USH2A: variants seen among roughly 807,000 people sequenced by gnomAD.
USH2A encodes usherin.
Under a neutral mutation model 538.9 loss-of-function variants are expected in USH2A, and 443 were observed. The ratio of observed to expected loss-of-function variants is 0.82; its 90% confidence interval spans 0.76 to 0.89. USH2A has a LOEUF of 0.89. Among genes scored for constraint, USH2A ranks in the 40% least tolerant of loss-of-function variants. USH2A has a pLI of 0.00. For missense variants in USH2A, 6,633 were observed against 6,324.8 expected, an observed-to-expected ratio of 1.05 and a Z score of -1.65; for synonymous variants, 2,413 against 2,273.5, an observed-to-expected ratio of 1.06 and a Z score of -1.75.
rs1217962737 is a variant in USH2A, at chr1:216,418,717, T to C, written c.486-38A>G. 1.9e-6 allele frequency: 3 copies of C among 1,610,034 alleles called. No individual in the cohort carries two copies. In the African/African-American group the frequency reaches 4.0e-5, roughly 22 times the overall value. ...CCGGAAAAGAGAGAAAAGGTCAGCATCCAACCAAAAAGACATGCTAAGGTA... is the reference window on the plus strand; with the variant it reads ...CCGGAAAAGAGAGAAAAGGTCAGCACCCAACCAAAAAGACATGCTAAGGTA... On this transcript the variant is annotated intron_variant, in intron 2 of 71. Coordinates refer to ENST00000307340, the MANE Select transcript of USH2A (RefSeq NM_206933.4).
intron 46 of USH2A, among the ~76,000 whole-genome samples, chr1:215,838,304 A>T (rs1205592801): frequency 6.6e-6 from 1 of 152,174 alleles, no homozygotes; most frequent in Non-Finnish European, 1.5e-5. Context: ...TGGGATCAAG[A>T]TAATTGATTT....
At chr1:216,068,466 C>T (rs1357388716) in intron 30 of USH2A, among the ~76,000 whole-genome samples, 2 of 152,126 alleles carry the variant, frequency 1.3e-5, no homozygotes, top group Non-Finnish European at 2.9e-5. Flanking sequence ...AGCCACACTG[C>T]AGAGTGTCTG....
rs916137872 is a variant in USH2A, at chr1:216,422,262, A to G, written c.75T>C (p.Phe25=). 3.7e-6 allele frequency: 6 copies of G among 1,613,610 alleles called. No homozygotes were observed. In the African/African-American group the frequency reaches 8.0e-5, roughly 22 times the overall value. ...GTGACTCAGTCAAGGATATTGAAGC[A>G]AAATAGGCAAAGATCAACATTTCAA... is the stretch of plus-strand genomic sequence containing the variant. ...QVIEMLIFAY[F]ASISLTESRG... Residue 25 remains phenylalanine (F), a synonymous_variant, in exon 2 of 72, where the codon TTT becomes TTC. Coordinates refer to ENST00000307340, the MANE Select transcript of USH2A (RefSeq NM_206933.4).
intron 71 of USH2A, among the ~76,000 whole-genome samples, chr1:215,626,747 A>T (rs1656039147): frequency 6.6e-6 from 1 of 152,224 alleles, no homozygotes; most frequent in Non-Finnish European, 1.5e-5. Context: ...AATAATTGCT[A>T]GCTGTGTAAT....
chr1:216,255,127 T>C (rs940752513), intron 11 of USH2A, among the ~76,000 whole-genome samples: 3 of 152,216 alleles, frequency 2.0e-5, no homozygotes, highest in African/African-American at 7.2e-5. Flanking sequence ...CTGCTCTTTA[T>C]GGCTTAAAAT....
chr1:215,654,547 A>C (rs572408433), intron 64 of USH2A, among the ~76,000 whole-genome samples: 25 of 152,304 alleles, frequency 1.6e-4, no homozygotes, highest in African/African-American at 5.8e-4. Flanking sequence ...AGAGTCAGAA[A>C]CTTCCCTAGT....
intron 14 of USH2A, among the ~76,000 whole-genome samples, chr1:216,220,546 C>T (rs1161669060): frequency 1.3e-5 from 2 of 149,224 alleles, no homozygotes; most frequent in Non-Finnish European, 3.0e-5. Flanking sequence ...TTGGGCTGAA[C>T]GTTAAAAGAT....
chr1:216,332,127 G>A (rs1333951898), intron 4 of USH2A, among the ~76,000 whole-genome samples: 1 of 152,070 alleles, frequency 6.6e-6, no homozygotes, highest in Non-Finnish European at 1.5e-5. Context: ...CCTAGTTACT[G>A]CTAGAGGATC....
chr1:216,273,989 G>T (rs2036623103), intron 11 of USH2A, among the ~76,000 whole-genome samples: 1 of 151,964 alleles, frequency 6.6e-6, no homozygotes, highest in Non-Finnish European at 1.5e-5. Context: ...AAATATACCA[G>T]ACCTAAAGAA....
chr1:215,862,931 T>A (rs375363183), intron 44 of USH2A, among the ~76,000 whole-genome samples: 4 of 152,152 alleles, frequency 2.6e-5, no homozygotes, highest in African/African-American at 9.7e-5. Flanking sequence ...CTGCATACAA[T>A]GTTGGCGGTT....
intron 55 of USH2A, among the ~76,000 whole-genome samples, chr1:215,767,029 C>T (rs1211891946): frequency 6.6e-6 from 1 of 152,148 alleles, no homozygotes; most frequent in Non-Finnish European, 1.5e-5. Context: ...TTCATGTGAA[C>T]CATCCACCCT....
At chr1:215,758,789 A>G in intron 57 of USH2A, 37 bp from the exon 58 acceptor site, 3 of 1,601,628 alleles carry the variant, frequency 1.9e-6, no homozygotes, top group East Asian at 2.2e-5. Context: ...TGGTAAGGCC[A>G]TGCACAAGAG....
rs775723723 is a variant in USH2A at position 216,072,916 on chromosome 1, A to C, written c.5830T>G (p.Trp1944Gly). ...GCTCCTGTTGTACGTCCTCGACTCCAATCACTATATACTGAACCTCCTTCA... is the reference window on the plus strand; with the variant it reads ...GCTCCTGTTGTACGTCCTCGACTCCCATCACTATATACTGAACCTCCTTCA... ...SHEGGSVYSD[W>G]SRGRTTGAAP... The change falls in exon 29 of 72, where the codon TGG (tryptophan) becomes GGG (glycine). Residue 1944 changes from tryptophan (W) to glycine (G), a missense_variant. Physicochemically the swap from Trp to Gly is radical, Grantham distance 184. Coordinates refer to ENST00000307340, the MANE Select transcript of USH2A (RefSeq NM_206933.4). 2.9e-5 allele frequency: 46 copies of C among 1,613,952 alleles called. No individual in the cohort carries two copies. Among genetic ancestry groups the C allele is most frequent in the Non-Finnish European group, 3.8e-5 (45 of 1,179,872 alleles).
At chr1:216,349,556 G>A (rs1383366809) in intron 4 of USH2A, among the ~76,000 whole-genome samples, 4 of 152,126 alleles carry the variant, frequency 2.6e-5, no homozygotes, top group Non-Finnish European at 5.9e-5. Context: ...ACGGCAATAA[G>A]AGTGACCTCT....
chr1:216,168,805 G>A (rs1442180710), intron 21 of USH2A, among the ~76,000 whole-genome samples: 1 of 151,982 alleles, frequency 6.6e-6, no homozygotes. Flanking sequence ...TTGATAAACT[G>A]GCTCATCTGA....
At chr1:215,959,660 TC>T (rs531557546) in intron 37 of USH2A, among the ~76,000 whole-genome samples, 33 of 152,078 alleles carry the variant, frequency 2.2e-4, no homozygotes, top group African/African-American at 8.0e-4. Flanking sequence ...CCCTCTTTTT[TC>T]CCCCACAGTA....
Position 215,786,858 on chromosome 1 carries a change from C to T in USH2A, c.10199G>A (p.Arg3400Lys), listed in dbSNP as rs1431227070. The T allele has an allele frequency of 1.2e-6, 2 of 1,613,834 alleles. No homozygotes were observed. The highest frequency in any genetic ancestry group is 1.7e-6 in the Non-Finnish European group (2 of 1,179,884). ...GMMMKETKEC[R>K]ILCPASMEAT... is the part of the protein sequence containing the mutation. ...TTCCATAGATGCTGGGCAGAGGATC[C>T]TGCACTCTTTGGTTTCCTGAGTCAA... The change falls in exon 52 of 72, where the codon AGG becomes AAG. Residue 3400 changes from arginine to lysine, a missense_variant. Physicochemically the swap from Arg to Lys is conservative, Grantham distance 26. Transcript: ENST00000307340.
chr1:215,888,996 G>A lies in USH2A; in HGVS notation c.7653C>T (p.Val2551=). 1 of 1,614,002 alleles carries A rather than the reference G, an allele frequency of 6.2e-7. No homozygotes were observed. The highest frequency in any genetic ancestry group is 8.5e-7 in the Non-Finnish European group (1 of 1,179,996). ...TGGATTTTCTAGGATGCTGCCAGGT[G>A]ACCAACATCATTCTTGACTTCACAT... The part of the protein sequence containing the change: ...LLDVKSRMML[V]TWQHPRKSNG... Residue 2551 remains valine, a synonymous_variant, in exon 41 of 72, where the codon GTC becomes GTT. Transcript: ENST00000307340.
intron 10 of USH2A, among the ~76,000 whole-genome samples, 158 bp from the exon 11 acceptor site, chr1:216,289,568 G>A (rs2036959611): frequency 6.6e-6 from 1 of 152,120 alleles, no homozygotes; most frequent in Non-Finnish European, 1.5e-5. Flanking sequence ...TAGTGATCCA[G>A]AGCATATGAA....
Sources: allele counts gnomAD v4.1 joint callset (sites outside exome capture counted in the v4.1 genomes callset), GRCh38; gene constraint gnomAD v4.1.1; transcripts MANE v1.5; gene names NCBI Gene and HGNC (gene_info 2026-07-23, HGNC 2026-07-21).